COL18A1: variants seen among roughly 807,000 people sequenced by gnomAD.
COL18A1 encodes collagen alpha-1(XVIII) chain.
A neutral mutation model predicts 168.0 loss-of-function variants in COL18A1; 133 were observed. The observed-to-expected ratio is 0.79, with a 90% CI of 0.69 to 0.91. The LOEUF is 0.91. Among genes scored for constraint, COL18A1 ranks in the 40% least tolerant of loss-of-function variants. The pLI is 0.00. For missense variants in COL18A1, 2,126 were observed against 1,925.4 expected (o/e 1.10, Z -1.95); for synonymous variants, 949 against 809.0 (o/e 1.17, Z -2.94).
chr21:45,505,575 G>A (rs1286847881), intron 36 of COL18A1, 144 bp downstream of exon 36: 5 of 683,808 alleles, frequency 7.3e-6, no homozygotes, highest in Admixed American at 6.9e-5. Flanking sequence ...TGGAAGCGGG[G>A]CCAGGCCATG....
chr21:45,408,801 G>C (rs182735399), intron 2 of COL18A1, among the ~76,000 whole-genome samples: 1 of 152,178 alleles, frequency 6.6e-6, no homozygotes, highest in East Asian at 1.9e-4. Flanking sequence ...GCTGTGGAGC[G>C]TATGTTGGAG....
intron 2 of COL18A1, chr21:45,456,435 G>A (rs1329481014): frequency 4.5e-6 from 7 of 1,544,450 alleles, no homozygotes; most frequent in Non-Finnish European, 6.1e-6. Context: ...AGGGACAGCG[G>A]TGCTTGGGTC....
At position 45,482,792 on chromosome 21, in the gene COL18A1, C is replaced by T. The variant is rs771060622; in HGVS notation, c.1675-3C>T. On this transcript the variant is annotated splice_polypyrimidine_tract_variant and splice_region_variant and intron_variant, in intron 14 of 41. Transcript: ENST00000651438. The stretch of plus-strand genomic sequence containing the variant: ...TGTCATAATCCTGCTCTTTTCCGTA[C>T]AGGGTGAAGCAGGCGCCCCAGGACA... 1.2e-6 allele frequency: 2 copies of T among 1,614,204 alleles called. No individual in the cohort carries two copies. Among genetic ancestry groups the T allele is most frequent in the South Asian group, 1.1e-5 (1 of 91,090 alleles).
At chr21:45,509,030 G>A (rs1457381952) in intron 38 of COL18A1, among the ~76,000 whole-genome samples, 5 of 152,162 alleles carry the variant, frequency 3.3e-5, no homozygotes, top group African/African-American at 9.7e-5. Context: ...GAAGGTCGCC[G>A]TGTTGAGGTC....
chr21:45,477,621 A>G, intron 7 of COL18A1, 129 bp from the exon 8 acceptor site: 1 of 1,254,808 alleles, frequency 8.0e-7, no homozygotes, highest in Admixed American at 2.0e-5. Context: ...CGGTGCCAGC[A>G]TGCGTCCACC....
intron 2 of COL18A1, among the ~76,000 whole-genome samples, chr21:45,419,415 G>A (rs376634412): frequency 2.0e-5 from 3 of 152,220 alleles, no homozygotes; most frequent in East Asian, 1.9e-4. Context: ...GTAGTGACAC[G>A]CTCGCAGGAT....
chr21:45,419,832 A>G (rs994452098), intron 2 of COL18A1: 2 of 152,146 alleles, frequency 1.3e-5, no homozygotes, highest in Non-Finnish European at 1.5e-5. Context: ...TGTCCCCCGG[A>G]ACCCCAGCCC....
At chr21:45,465,967 A>G (rs564691659) in intron 2 of COL18A1, among the ~76,000 whole-genome samples, 1 of 152,162 alleles carries the variant, frequency 6.6e-6, no homozygotes, top group African/African-American at 2.4e-5. Context: ...CTCTTGGTGG[A>G]GAGCCCAGTT....
chr21:45,438,476 C>T (rs1300754259), intron 2 of COL18A1, among the ~76,000 whole-genome samples: 4 of 152,378 alleles, frequency 2.6e-5, no homozygotes, highest in South Asian at 2.1e-4. Flanking sequence ...CACGGAGTGC[C>T]GGTCACACTG....
intron 7 of COL18A1, 44 bp downstream of exon 7, chr21:45,477,531 C>T (rs571971567): frequency 1.4e-5 from 21 of 1,547,746 alleles, no homozygotes; most frequent in South Asian, 1.1e-4. Flanking sequence ...TGAACCAGAG[C>T]ACCTGTGGCC....
intron 2 of COL18A1, among the ~76,000 whole-genome samples, chr21:45,449,010 C>T (rs770313336): frequency 6.6e-6 from 1 of 152,230 alleles, no homozygotes; most frequent in Non-Finnish European, 1.5e-5. Context: ...ACTGTGTGTC[C>T]TCCCCGTGGC....
At chr21:45,458,516 C>T (rs2034926269) in intron 2 of COL18A1, among the ~76,000 whole-genome samples, 1 of 152,160 alleles carries the variant, frequency 6.6e-6, no homozygotes, top group Non-Finnish European at 1.5e-5. Flanking sequence ...CATCCTCCGT[C>T]CCTGGAACAC....
chr21:45,455,426 C>G, intron 2 of COL18A1: 1 of 1,520,002 alleles, frequency 6.6e-7, no homozygotes, highest in Non-Finnish European at 9.0e-7. Flanking sequence ...CGGCCAGAGG[C>G]TGGGAAGCCT....
At chr21:45,477,684 G>A (rs1323948941) in intron 7 of COL18A1, 66 bp from the exon 8 acceptor site, 15 of 1,422,928 alleles carry the variant, frequency 1.1e-5, no homozygotes, top group East Asian at 7.5e-5. Flanking sequence ...AGGGCGCAGC[G>A]GGACACGTGG....
At chr21:45,432,263 G>A (rs371400100) in intron 2 of COL18A1, among the ~76,000 whole-genome samples, 68 of 152,318 alleles carry the variant, frequency 4.5e-4, no homozygotes, top group African/African-American at 1.5e-3. Flanking sequence ...GGCTGGCGGA[G>A]GTGGCCTTGG....
At chr21:45,454,572 G>T (rs1461578526) in intron 2 of COL18A1, among the ~76,000 whole-genome samples, 1 of 152,302 alleles carries the variant, frequency 6.6e-6, no homozygotes, top group East Asian at 1.9e-4. Context: ...ACCTCTGATG[G>T]GCTCCGTGAT....
chr21:45,477,349 C>A, intron 6 of COL18A1, 62 bp from the exon 7 acceptor site: 4 of 1,417,036 alleles, frequency 2.8e-6, no homozygotes, highest in African/African-American at 1.4e-5. Flanking sequence ...TCTGGGGTGC[C>A]GAGAGCAGAG....
At chr21:45,456,250 A>C (rs537362206) in intron 2 of COL18A1, 4 of 1,572,428 alleles carry the variant, frequency 2.5e-6, no homozygotes, top group African/African-American at 1.4e-5. Context: ...ACAGCCAAGG[A>C]CTCTCGCCCG....
chr21:45,454,126 C>T (rs546784174), intron 2 of COL18A1, among the ~76,000 whole-genome samples: 1 of 152,300 alleles, frequency 6.6e-6, no homozygotes, highest in South Asian at 2.1e-4. Flanking sequence ...TGTGGGGATT[C>T]GTTTTGGGAG....
Sources: allele counts gnomAD v4.1 joint callset (sites outside exome capture counted in the v4.1 genomes callset), GRCh38; gene constraint gnomAD v4.1.1; transcripts MANE v1.5; gene names NCBI Gene and HGNC (gene_info 2026-07-23, HGNC 2026-07-21).